The following ABCG1 variants were observed in gnomAD, a reference collection of about 807,000 sequenced individuals.
The protein encoded by ABCG1 is ATP binding cassette subfamily G member 1, also known as ATP-binding cassette sub-family G member 1.
A neutral mutation model predicts 69.2 loss-of-function variants in ABCG1; 29 were observed. The ratio of observed to expected loss-of-function variants is 0.42; its 90% CI spans 0.31 to 0.57. The LOEUF is 0.57. ABCG1 is among the 20% of genes least tolerant of loss of function. The pLI is 0.15. For missense variants in ABCG1, 718 were observed against 898.1 expected, an observed-to-expected ratio of 0.80 and a Z score of 2.56; for synonymous variants, 370 against 374.8, an observed-to-expected ratio of 0.99 and a Z score of 0.15.
At position 42,222,505 on chromosome 21, in the gene ABCG1, G is replaced by T. The variant is rs114245236; in HGVS notation, c.43-3166G>T. Among the ~76,000 whole-genome samples, 332 of 152,312 alleles carry T rather than the reference G, an allele frequency of 2.2e-3. 1 individual carries two copies. The highest frequency in any genetic ancestry group is 7.4e-3 in the African/African-American group (308 of 41,568). On this transcript the variant is annotated intron_variant, in intron 1 of 14. Coordinates refer to ENST00000398449, the MANE Select transcript of ABCG1 (RefSeq NM_016818.3). ...AACACCCACAACTCACCCGTGGAAG[G>T]CTAAGCAATAGTCAAGGGCCGTTAC...
intron 6 of ABCG1, among the ~76,000 whole-genome samples, chr21:42,283,468 C>T (rs1165028727): frequency 1.3e-5 from 2 of 152,188 alleles, no homozygotes; most frequent in African/African-American, 4.8e-5. Context: ...GAGGTCCCCC[C>T]AGGACCCTGC....
rs2068983055 is a variant in ABCG1 at position 42,288,194 on chromosome 21, C to A, written c.1123-17C>A. 6.8e-6 allele frequency: 11 copies of A among 1,613,558 alleles called. No homozygotes were observed. Among genetic ancestry groups the A allele is most frequent in the Non-Finnish European group, 8.5e-6 (10 of 1,179,436 alleles). On this transcript the variant is annotated splice_polypyrimidine_tract_variant and intron_variant, in intron 9 of 14. Transcript: ENST00000398449. This position sits in a 1 kb window ranked among gnomAD's most constrained non-coding sequence, Gnocchi z 4.8. ...CGGACTGGCTTTCACCCGCTCCCCT[C>A]TTGCGTGTGTCCTCAGGACTCCTCG... is the stretch of plus-strand genomic sequence containing the variant.
At chr21:42,268,362 G>GGTGTGTGTGTGT (rs1555957893) in intron 2 of ABCG1, among the ~76,000 whole-genome samples, 3,272 of 147,670 alleles carry the variant, frequency 0.022, 46 homozygotes, top group African/African-American at 0.029. Context: ...TAGAGGTAGG[G>GGTGTGTGTGTGT]GTGTGTGTGT....
chr21:42,211,270 T>G (rs1327276251), upstream of ABCG1, among the ~76,000 whole-genome samples: 2 of 152,102 alleles, frequency 1.3e-5, no homozygotes, highest in East Asian at 1.9e-4. Context: ...AGCATTCCCA[T>G]TTCTTTCAAA....
At position 42,296,168 on chromosome 21, in the gene ABCG1, G is replaced by A; in HGVS notation, c.1777G>A (p.Gly593Arg). 1 of 1,613,858 alleles carries A rather than the reference G, an allele frequency of 6.2e-7. No individual in the cohort carries two copies. Among genetic ancestry groups the A allele is most frequent in the Non-Finnish European group, 8.5e-7 (1 of 1,179,822 alleles). The change falls in exon 15 of 15, where the codon GGG becomes AGG. Residue 593 changes from glycine to arginine, a missense_variant. This residue lies in a region of ABCG1 where 204 missense variants were observed against 323.8 expected (regional missense o/e 0.63). Coordinates refer to ENST00000398449, the MANE Select transcript of ABCG1 (RefSeq NM_016818.3). The surrounding 1 kb of genome is among the most constrained non-coding windows in gnomAD (Gnocchi z 5.4). ...WMSYISYVRY[G>R]FEGVILSIYG... ...ATGCCTGGCCTTTCCTCCTAGGTATGGGTTCGAAGGGGTCATCCTCTCCAT... is the reference window on the plus strand; with the variant it reads ...ATGCCTGGCCTTTCCTCCTAGGTATAGGTTCGAAGGGGTCATCCTCTCCAT...
chr21:42,280,182 C>G (rs1266160008), intron 5 of ABCG1, among the ~76,000 whole-genome samples: 1 of 152,252 alleles, frequency 6.6e-6, no homozygotes, highest in Non-Finnish European at 1.5e-5. Context: ...CCATCGGGCC[C>G]ACCATCAGGA....
chr21:42,248,459 C>T (rs2068167335), intron 2 of ABCG1, among the ~76,000 whole-genome samples: 1 of 152,194 alleles, frequency 6.6e-6, no homozygotes, highest in African/African-American at 2.4e-5. Flanking sequence ...CGTTGTTTGG[C>T]TTCATGAAGC....
At chr21:42,245,766 G>A (rs2068122449) in intron 2 of ABCG1, among the ~76,000 whole-genome samples, 1 of 149,570 alleles carries the variant, frequency 6.7e-6, no homozygotes, top group African/African-American at 2.5e-5. Flanking sequence ...CATGCTTTCT[G>A]AAAATCATCT....
At chr21:42,262,942 C>T (rs145618715) in intron 2 of ABCG1, among the ~76,000 whole-genome samples, 111 of 152,358 alleles carry the variant, frequency 7.3e-4, no homozygotes, top group East Asian at 2.9e-3. Flanking sequence ...TGGCCTCTGC[C>T]AGGGGACTGG....
chr21:42,286,965 G>A (rs905558302), intron 8 of ABCG1, among the ~76,000 whole-genome samples: 2 of 152,290 alleles, frequency 1.3e-5, no homozygotes, highest in Admixed American at 6.5e-5. Context: ...TTTCCGGTGG[G>A]GCCAATGTGT....
chr21:42,260,503 T>G (rs1010250491), intron 2 of ABCG1, among the ~76,000 whole-genome samples: 1 of 152,092 alleles, frequency 6.6e-6, no homozygotes. Flanking sequence ...TAAAACCATG[T>G]TATTTAGGGA....
At chr21:42,243,486 G>GTA (rs2123609481) in intron 2 of ABCG1, among the ~76,000 whole-genome samples, 1 of 147,028 alleles carries the variant, frequency 6.8e-6, no homozygotes, top group African/African-American at 2.6e-5. Flanking sequence ...GTGTGTGTGT[G>GTA]TGTGCGCTGG....
intron 10 of ABCG1, among the ~76,000 whole-genome samples, chr21:42,289,275 C>T (rs1303377729): frequency 6.6e-6 from 1 of 152,084 alleles, no homozygotes; most frequent in Non-Finnish European, 1.5e-5. Context: ...TCTTCTCATC[C>T]CGGGACAGCT....
chr21:42,270,974 T>C (rs958634423), intron 2 of ABCG1, 96 bp from the exon 3 acceptor site: 1 of 736,284 alleles, frequency 1.4e-6, no homozygotes, highest in African/African-American at 1.8e-5. Flanking sequence ...TGTCAAAGGT[T>C]GCCTTTGGCC....
Position 42,296,180 on chromosome 21 carries a change from G to T in ABCG1, c.1789G>T (p.Val597Phe). Residue 597 changes from valine to phenylalanine, a missense_variant, in exon 15 of 15, where the codon GTC (valine) becomes TTC (phenylalanine). By Grantham distance (50) the Val-to-Phe change is conservative. Around this residue, in one of 2 missense-constraint regions of ABCG1, gnomAD observed 204 missense variants for 323.8 expected, o/e 0.63. Coordinates refer to ENST00000398449, the MANE Select transcript of ABCG1 (RefSeq NM_016818.3). The surrounding 1 kb of genome is among the most constrained non-coding windows in gnomAD (Gnocchi z 5.4). The part of the protein sequence containing the change: ...ISYVRYGFEG[V>F]ILSIYGLDRE... ...TCCTCCTAGGTATGGGTTCGAAGGG[G>T]TCATCCTCTCCATCTATGGCTTAGA... The T allele has an allele frequency of 6.2e-7, 1 of 1,614,078 alleles. No individual in the cohort carries two copies. The highest frequency in any genetic ancestry group is 1.1e-5 in the South Asian group (1 of 91,074).
Position 42,276,717 on chromosome 21 carries a change from T to C in ABCG1, c.538-178T>C, listed in dbSNP as rs1220957724. 1.9e-5 allele frequency: 12 copies of C among 640,710 alleles called. No individual in the cohort carries two copies. The highest frequency in any genetic ancestry group is 3.0e-5 in the Non-Finnish European group (11 of 363,818). The allele number at this position is 640,710 out of a possible 1,614,324, so 39.7% of individuals were successfully genotyped here. A position where few individuals can be genotyped will look rare whatever the true frequency, so the allele number is the denominator to read the frequency against. ...CGTGACTAGTGGCACCGTGGCTAGCTGCACCGTGGCTAGCGGCATTGTGGC... is the reference window on the plus strand; with the variant it reads ...CGTGACTAGTGGCACCGTGGCTAGCCGCACCGTGGCTAGCGGCATTGTGGC... On this transcript the variant is annotated intron_variant, in intron 4 of 14. Coordinates refer to ENST00000398449, the MANE Select transcript of ABCG1 (RefSeq NM_016818.3). The surrounding 1 kb of genome is among the most constrained non-coding windows in gnomAD (Gnocchi z 5.3).
intron 2 of ABCG1, among the ~76,000 whole-genome samples, chr21:42,255,176 A>G (rs1025828330): frequency 2.0e-5 from 3 of 152,268 alleles, no homozygotes; most frequent in African/African-American, 7.2e-5. Flanking sequence ...GTTATATTTC[A>G]GTACCTGCGC....
chr21:42,224,855 G>A (rs571444470), intron 1 of ABCG1, among the ~76,000 whole-genome samples: 1 of 152,128 alleles, frequency 6.6e-6, no homozygotes, highest in East Asian at 1.9e-4. Context: ...ATCAGTTACA[G>A]TTCGTTTGAC....
intron 2 of ABCG1, among the ~76,000 whole-genome samples, chr21:42,242,000 C>T (rs1218668117): frequency 7.6e-6 from 1 of 131,404 alleles, no homozygotes; most frequent in African/African-American, 3.0e-5. Flanking sequence ...AAAAAAAGAA[C>T]TCCCCATGGT....
Sources: gnomAD v4.1 joint callset for allele counts (sites outside exome capture counted in the v4.1 genomes callset) on GRCh38, gnomAD v4.1.1 for gene constraint, gnomAD v4.1.1 regional missense constraint, Gnocchi (gnomAD v3.1) non-coding constraint, MANE v1.5 for transcripts, NCBI Gene and HGNC (gene_info 2026-07-23, HGNC 2026-07-21) for gene names.